RRAS: variants seen among roughly 807,000 people sequenced by gnomAD.
RRAS encodes RAS related.
RRAS carries 18 observed loss-of-function variants against 23.3 expected under a neutral mutation model. The ratio of observed to expected loss-of-function variants is 0.77; its 90% confidence interval spans 0.53 to 1.15. The LOEUF (loss-of-function observed/expected upper bound fraction) is 1.15, where lower values mean the gene tolerates loss of function less well. Among genes scored for constraint, RRAS ranks in the 50% most tolerant of loss-of-function variants. The pLI, the probability that RRAS is intolerant of heterozygous loss-of-function variation, is 0.00. For synonymous variants in RRAS, 133 were observed against 138.3 expected (o/e 0.96, Z 0.27); for missense variants, 291 against 317.1 (o/e 0.92, Z 0.62).
In RRAS at chr19:49,635,648, T is replaced by C. The variant is rs751778183; in HGVS notation, c.585A>G (p.Glu195=). 4 of 1,460,930 alleles carry C rather than the reference T, an allele frequency of 2.7e-6. No individual in the cohort carries two copies. The highest frequency in any genetic ancestry group is 3.7e-6 in the Non-Finnish European group (4 of 1,093,828). The allele number at this position is 1,460,930 out of a possible 1,614,324, so 90.5% of individuals were successfully genotyped here. A position where few individuals can be genotyped will look rare whatever the true frequency, so the allele number is the denominator to read the frequency against. Residue 195 remains glutamate, a synonymous_variant, in exon 6 of 6, where the codon GAA becomes GAG. Coordinates refer to ENST00000246792, the MANE Select transcript of RRAS (RefSeq NM_006270.5). Reference sequence around the variant, plus strand: ...TGGGAGGGCTCGGTGGGAGCTCTTGTTCCTGGTATTTCCTGTGGGAAAACG... The same window carrying C: ...TGGGAGGGCTCGGTGGGAGCTCTTGCTCCTGGTATTTCCTGTGGGAAAACG... ...QLVRAVRKYQ[E]QELPPSPPSA...
chr19:49,637,569 A>G (rs1370188125), intron 1 of RRAS, among the ~76,000 whole-genome samples: 5 of 151,458 alleles, frequency 3.3e-5, no homozygotes, highest in Non-Finnish European at 5.9e-5. Flanking sequence ...TGGGTCTCCC[A>G]AAGTGCTGGG....
rs951157632 is a variant in RRAS at position 49,636,198 on chromosome 19, TG to T, written c.454-347del. Reference sequence around the variant, plus strand: ...GATGAGTTCTGTGTGGAAATCGTTGTGGGGGAAGTGATGGGAGCAGGGAAAG... The same window carrying T: ...GATGAGTTCTGTGTGGAAATCGTTGTGGGGAAGTGATGGGAGCAGGGAAAG... On this transcript the variant is annotated intron_variant, in intron 4 of 5. Coordinates refer to ENST00000246792, the MANE Select transcript of RRAS (RefSeq NM_006270.5). This position sits in a 1 kb window ranked among gnomAD's most constrained non-coding sequence, Gnocchi z 4.5. Among the ~76,000 whole-genome samples, 1 of 148,840 alleles carries T rather than the reference TG, an allele frequency of 6.7e-6. No homozygotes were observed.
chr19:49,636,786 C>T lies in RRAS; in HGVS notation c.344+38G>A. 1 of 1,607,926 alleles carries T rather than the reference C, an allele frequency of 6.2e-7. No individual in the cohort carries two copies. The highest frequency in any genetic ancestry group is 1.7e-5 in the Admixed American group (1 of 60,012). Reference sequence around the variant, plus strand: ...AGCTGCAGAGCCCAGGTCCTCCCCACACCCACCCACTGCTCCGCCACCAGC... The same window carrying T: ...AGCTGCAGAGCCCAGGTCCTCCCCATACCCACCCACTGCTCCGCCACCAGC... On this transcript the variant is annotated intron_variant, in intron 3 of 5. Transcript: ENST00000246792. The surrounding 1 kb of genome is among the most constrained non-coding windows in gnomAD (Gnocchi z 4.5).
intron 1 of RRAS, among the ~76,000 whole-genome samples, chr19:49,639,393 C>G (rs1381360087): frequency 6.6e-6 from 1 of 150,832 alleles, no homozygotes; most frequent in Non-Finnish European, 1.5e-5. Flanking sequence ...CCACTGCACT[C>G]CACCGCACTC....
In RRAS at chr19:49,635,871, C is replaced by CG; in HGVS notation, c.454-20dup. The CG allele has an allele frequency of 1.6e-5, 7 of 431,710 alleles. No homozygotes were observed. Among genetic ancestry groups the CG allele is most frequent in the East Asian group, 5.1e-5 (1 of 19,744 alleles). 26.7% of individuals were successfully genotyped at this position (431,710 alleles called of 1,614,324 possible). A position where few individuals can be genotyped will look rare whatever the true frequency, so the allele number is the denominator to read the frequency against. On this transcript the variant is annotated intron_variant, in intron 4 of 5. Transcript: ENST00000246792. ...GGGGGACCTGGGGGTAGGGGGGACACGGGGGAGTCAGGTCCCTGCACTCAG... is the reference window on the plus strand; with the variant it reads ...GGGGGACCTGGGGGTAGGGGGGACACGGGGGGAGTCAGGTCCCTGCACTCAG...
In RRAS at chr19:49,636,967, C is replaced by A. The variant is rs1157005566; in HGVS notation, c.242-41G>T. 6.2e-7 allele frequency: 1 copy of A among 1,607,900 alleles called. No homozygotes were observed. Among genetic ancestry groups the A allele is most frequent in the Non-Finnish European group, 8.5e-7 (1 of 1,175,496 alleles). On this transcript the variant is annotated intron_variant, in intron 2 of 5. Coordinates refer to ENST00000246792, the MANE Select transcript of RRAS (RefSeq NM_006270.5). This position sits in a 1 kb window ranked among gnomAD's most constrained non-coding sequence, Gnocchi z 4.5. ...GAGGGGCCATCGTGGGGACCAGGCT[C>A]CCCGCAGTCACCCCCAAGAGCCCTC...
intron 1 of RRAS, among the ~76,000 whole-genome samples, chr19:49,638,234 G>A (rs561122869): frequency 9.2e-5 from 14 of 152,214 alleles, no homozygotes; most frequent in Non-Finnish European, 1.6e-4. Flanking sequence ...GGTCCTGCCC[G>A]CTGCCAGCCA....
intron 1 of RRAS, among the ~76,000 whole-genome samples, chr19:49,637,542 C>G (rs1157131760): frequency 6.6e-6 from 1 of 151,940 alleles, no homozygotes; most frequent in Non-Finnish European, 1.5e-5. Context: ...CTCCTGACCT[C>G]AGGTGATCCG....
Position 49,636,159 on chromosome 19 carries a change from G to A in RRAS, c.454-307C>T, listed in dbSNP as rs1282543706. ...ACCCCAAAGCCTGGAAATCCCCAGA[G>A]CCTTTGCCAGATGGATGAGTTCTGT... On this transcript the variant is annotated intron_variant, in intron 4 of 5. Coordinates refer to ENST00000246792, the MANE Select transcript of RRAS (RefSeq NM_006270.5). This position sits in a 1 kb window ranked among gnomAD's most constrained non-coding sequence, Gnocchi z 4.5. Among the ~76,000 whole-genome samples, 1 of 152,152 alleles carries A rather than the reference G, an allele frequency of 6.6e-6. No homozygotes were observed. The highest frequency in any genetic ancestry group is 1.5e-5 in the Non-Finnish European group (1 of 68,024).
In RRAS at chr19:49,636,774, A is replaced by C. The variant is rs1170537915; in HGVS notation, c.345-47T>G. The C allele has an allele frequency of 6.2e-7, 1 of 1,608,208 alleles. No individual in the cohort carries two copies. Among genetic ancestry groups the C allele is most frequent in the Non-Finnish European group, 8.5e-7 (1 of 1,175,408 alleles). On this transcript the variant is annotated intron_variant, in intron 3 of 5. Transcript: ENST00000246792. The surrounding 1 kb of genome is among the most constrained non-coding windows in gnomAD (Gnocchi z 4.5). ...TGAGGTCCAGCCAGCTGCAGAGCCC[A>C]GGTCCTCCCCACACCCACCCACTGC...
In RRAS at chr19:49,637,096, T is replaced by G; in HGVS notation, c.188A>C (p.Glu63Ala). The change falls in exon 2 of 6, where the codon GAG becomes GCG. Residue 63 changes from glutamate (E) to alanine (A), a missense_variant. Physicochemically the swap from Glu to Ala is moderately radical, Grantham distance 107 (BLOSUM62 -1). Transcript: ENST00000246792. ...ACTGCAGATCTTCGTGTAGGAGTCC[T>G]CAATAGTGGGGTCGTAGTCAGACAC... is the stretch of plus-strand genomic sequence containing the variant. ...YFVSDYDPTI[E>A]DSYTKICSVD... is the part of the protein sequence containing the mutation. 1 of 1,613,460 alleles carries G rather than the reference T, an allele frequency of 6.2e-7. No individual in the cohort carries two copies. The highest frequency in any genetic ancestry group is 8.5e-7 in the Non-Finnish European group (1 of 1,179,962).
Position 49,636,539 on chromosome 19 carries a change from G to T in RRAS, c.453+80C>A. 2 of 995,934 alleles carry T rather than the reference G, an allele frequency of 2.0e-6. No homozygotes were observed. Among genetic ancestry groups the T allele is most frequent in the Non-Finnish European group, 3.2e-6 (2 of 619,848 alleles). The allele number at this position is 995,934 out of a possible 1,614,324, so 61.7% of individuals were successfully genotyped here. On this transcript the variant is annotated intron_variant, in intron 4 of 5. Transcript: ENST00000246792. This position sits in a 1 kb window ranked among gnomAD's most constrained non-coding sequence, Gnocchi z 4.5. The stretch of plus-strand genomic sequence containing the variant: ...GTCGCAGCACTGCAGGAACAGAGGA[G>T]GATGCTGATGGGGGACAGGTGTGCT...
chr19:49,639,446 A>G (rs994472736), intron 1 of RRAS, among the ~76,000 whole-genome samples: 1 of 150,706 alleles, frequency 6.6e-6, no homozygotes, highest in Non-Finnish European at 1.5e-5. Context: ...CTCAAAAAAA[A>G]AAAAAAAGAA....
Position 49,640,143 on chromosome 19 carries a change from C to G in RRAS, c.-45G>C, listed in dbSNP as rs1007977284. Reference sequence around the variant, plus strand: ...CCTTCGCTACCGCCTGCGGGGGAGCCGGGCGGGACCCGGGGGGGCGGGCTA... The same window carrying G: ...CCTTCGCTACCGCCTGCGGGGGAGCGGGGCGGGACCCGGGGGGGCGGGCTA... On this transcript the variant is annotated 5_prime_UTR_variant, in exon 1 of 6. Transcript: ENST00000246792. 94 of 1,352,410 alleles carry G rather than the reference C, an allele frequency of 7.0e-5. No individual in the cohort carries two copies. The highest frequency in any genetic ancestry group is 8.6e-5 in the Non-Finnish European group (91 of 1,060,350). 83.8% of individuals were successfully genotyped at this position (1,352,410 alleles called of 1,614,324 possible).
At position 49,635,738 on chromosome 19, in the gene RRAS, C is replaced by G. The variant is rs2230917; in HGVS notation, c.568G>C (p.Val190Leu). Residue 190 changes from valine to leucine, a missense_variant, in exon 5 of 6, where the codon GTC becomes CTC. Coordinates refer to ENST00000246792, the MANE Select transcript of RRAS (RefSeq NM_006270.5). ...CAGGAAGGGGACTTGGCTCACCGGA[C>G]AGCCCGCACCAGCTGCTCAAAAGCC... Reference protein sequence around the residue: ...DEAFEQLVRAVRKYQEQELPP... With the variant: ...DEAFEQLVRALRKYQEQELPP... 2.2e-4 allele frequency: 344 copies of G among 1,570,188 alleles called. No individual in the cohort carries two copies. In the African/African-American group the frequency reaches 4.3e-3, roughly 20 times the overall value.
rs11400258 is a variant in RRAS, at chr19:49,637,301, C to CTTTTTTTTTTTTTTTTTTTTTTT, written c.154-172_154-171insAAAAAAAAAAAAAAAAAAAAAAA. Among the ~76,000 whole-genome samples the CTTTTTTTTTTTTTTTTTTTTTTT allele has an allele frequency of 1.2e-4, 12 of 104,114 alleles. 5 individuals are homozygous for CTTTTTTTTTTTTTTTTTTTTTTT. The highest frequency in any genetic ancestry group is 1.5e-4 in the Non-Finnish European group (8 of 53,264). The allele number at this position is 104,114 out of a possible 152,430, so 68.3% of individuals were successfully genotyped here. A position where few individuals can be genotyped will look rare whatever the true frequency, so the allele number is the denominator to read the frequency against. Reference sequence around the variant, plus strand: ...CTCTGTCCCGTCTGTCTCTCTGAGTCTTTTTTTTTTTTTTTTTTTTTTGAG... The same window carrying CTTTTTTTTTTTTTTTTTTTTTTT: ...CTCTGTCCCGTCTGTCTCTCTGAGTCTTTTTTTTTTTTTTTTTTTTTTTTTTTTTTTTTTTTTTTTTTTTTGAG... On this transcript the variant is annotated intron_variant, in intron 1 of 5. Coordinates refer to ENST00000246792, the MANE Select transcript of RRAS (RefSeq NM_006270.5).
chr19:49,635,695 G>T, intron 5 of RRAS, 35 bp from the exon 6 acceptor site: 1 of 1,531,244 alleles, frequency 6.5e-7, no homozygotes, highest in Non-Finnish European at 8.9e-7. Context: ...GGAGTGGAAG[G>T]GCTGGGGACA....
chr19:49,635,532 G>T lies in RRAS; in HGVS notation c.*44C>A. 7.9e-7 allele frequency: 1 copy of T among 1,271,172 alleles called. No individual in the cohort carries two copies. 78.7% of individuals were successfully genotyped at this position (1,271,172 alleles called of 1,614,324 possible). On this transcript the variant is annotated 3_prime_UTR_variant, in exon 6 of 6. Coordinates refer to ENST00000246792, the MANE Select transcript of RRAS (RefSeq NM_006270.5). ...GGTCACACAGCAAGGTGCGAAGGCA[G>T]CTAGTCCCGAGAGCTTGTGGTGGTT...
At position 49,639,929 on chromosome 19, in the gene RRAS, G is replaced by T. The variant is rs376005750; in HGVS notation, c.153+17C>A. 6.3e-7 allele frequency: 1 copy of T among 1,575,008 alleles called. No homozygotes were observed. The highest frequency in any genetic ancestry group is 8.6e-7 in the Non-Finnish European group (1 of 1,167,074). On this transcript the variant is annotated intron_variant, in intron 1 of 5. Transcript: ENST00000246792. ...TCTGGGTCCCGGGGGACACCCTCCC[G>T]GGTGAGGGCCCACTACCTGGATGAA... is the stretch of plus-strand genomic sequence containing the variant.
Sources: allele counts gnomAD v4.1 joint callset (sites outside exome capture counted in the v4.1 genomes callset), GRCh38; gene constraint gnomAD v4.1.1; non-coding constraint Gnocchi (gnomAD v3.1); transcripts MANE v1.5; gene names NCBI Gene and HGNC (gene_info 2026-07-23, HGNC 2026-07-21).